The following ENOX1 variants were observed in gnomAD, a reference collection of about 807,000 sequenced individuals.
ENOX1 encodes ecto-NOX disulfide-thiol exchanger 1, also known as candidate growth-related and time keeping constitutive hydroquinone (NADH) oxidase.
ENOX1 carries 42 observed loss-of-function variants against 82.5 expected under a neutral mutation model. The ratio of observed to expected loss-of-function variants is 0.51; its 90% CI spans 0.40 to 0.66. The LOEUF (loss-of-function observed/expected upper bound fraction) is 0.66. Ranked by LOEUF, ENOX1 falls within the 30% of genes least tolerant of loss-of-function variation. The probability of loss-of-function intolerance (pLI) is 0.00; values close to 1 mark genes in which losing one functional copy is unlikely to be tolerated. For synonymous variants in ENOX1, 271 were observed against 282.2 expected (o/e 0.96, Z 0.40); for missense variants, 608 against 811.6 (o/e 0.75, Z 3.05).
At chr13:43,239,535 A>T (rs999812373) in intron 14 of ENOX1, among the ~76,000 whole-genome samples, 3 of 152,228 alleles carry the variant, frequency 2.0e-5, no homozygotes, top group Admixed American at 6.5e-5. Context: ...ATTAGAGTCA[A>T]GGGTGTGTCC....
chr13:43,695,259 T>A (rs901984789), intron 1 of ENOX1, among the ~76,000 whole-genome samples: 1 of 149,530 alleles, frequency 6.7e-6, no homozygotes, highest in Non-Finnish European at 1.5e-5. Flanking sequence ...AAAAAAAAAA[T>A]GGTTCTTTAC....
chr13:43,566,542 A>G (rs933813602), intron 2 of ENOX1, among the ~76,000 whole-genome samples: 3 of 152,090 alleles, frequency 2.0e-5, no homozygotes, highest in Non-Finnish European at 4.4e-5. Context: ...CAGTGGCAAT[A>G]GCATGTCTAT....
intron 1 of ENOX1, among the ~76,000 whole-genome samples, chr13:43,682,590 T>C (rs538218286): frequency 2.0e-4 from 31 of 152,026 alleles, no homozygotes; most frequent in African/African-American, 6.8e-4. Context: ...AATTCAATAA[T>C]AGAAAAAGTA....
At chr13:43,514,207 G>C (rs945368531) in intron 2 of ENOX1, among the ~76,000 whole-genome samples, 3 of 152,068 alleles carry the variant, frequency 2.0e-5, no homozygotes, top group African/African-American at 7.2e-5. Context: ...ATTCAAACCA[G>C]TTTTACATAT....
In ENOX1 at chr13:43,306,800, C is replaced by G. The variant is rs181398107; in HGVS notation, c.1262-8270G>C. On this transcript the variant is annotated intron_variant, in intron 11 of 16. Coordinates refer to ENST00000690772, the MANE Select transcript of ENOX1 (RefSeq NM_001347969.2). ...TTTCCCCTTAAGAAGTGTATTTCCCCTCTCCTGCTCTACCCTCTACATAGA... is the reference window on the plus strand; with the variant it reads ...TTTCCCCTTAAGAAGTGTATTTCCCGTCTCCTGCTCTACCCTCTACATAGA... Among the ~76,000 whole-genome samples the G allele has an allele frequency of 3.7e-3, 539 of 144,974 alleles. 1 individual carries two copies. Among genetic ancestry groups the G allele is most frequent in the African/African-American group, 0.013 (509 of 39,194 alleles).
chr13:43,630,547 C>G (rs1233724855), intron 2 of ENOX1, among the ~76,000 whole-genome samples: 1 of 152,002 alleles, frequency 6.6e-6, no homozygotes, highest in Non-Finnish European at 1.5e-5. Flanking sequence ...GCTGAAGCTC[C>G]TGCCCTTTAC....
At position 43,522,028 on chromosome 13, in the gene ENOX1, T is replaced by C. The variant is rs962331611; in HGVS notation, c.-218-37876A>G. Among the ~76,000 whole-genome samples, 11 of 152,258 alleles carry C rather than the reference T, an allele frequency of 7.2e-5. No individual in the cohort carries two copies. In the South Asian group the frequency reaches 1.2e-3, roughly 17 times the overall value. On this transcript the variant is annotated intron_variant, in intron 2 of 16. Transcript: ENST00000690772. Reference sequence around the variant, plus strand: ...AACAATTTATTTGTAGACAAGATCATAGGAGCAGCATTGTGGATATCAAGG... The same window carrying C: ...AACAATTTATTTGTAGACAAGATCACAGGAGCAGCATTGTGGATATCAAGG...
intron 5 of ENOX1, among the ~76,000 whole-genome samples, chr13:43,379,592 A>C (rs1255618768): frequency 1.3e-5 from 2 of 152,088 alleles, no homozygotes; most frequent in African/African-American, 2.4e-5. Flanking sequence ...TAGTAAACTC[A>C]AAGAAAAGCA....
intron 11 of ENOX1, among the ~76,000 whole-genome samples, chr13:43,299,856 G>A (rs2046477552): frequency 6.6e-6 from 1 of 152,292 alleles, no homozygotes; most frequent in East Asian, 1.9e-4. Flanking sequence ...CAGTGCATGC[G>A]CGTTTCCAGC....
intron 2 of ENOX1, among the ~76,000 whole-genome samples, chr13:43,556,497 C>T (rs536036829): frequency 1.6e-4 from 24 of 152,130 alleles, no homozygotes; most frequent in Admixed American, 5.9e-4. Context: ...TCTCAAACTT[C>T]GTAGTAAGTT....
chr13:43,440,964 ATTC>A (rs2056327057), intron 3 of ENOX1, among the ~76,000 whole-genome samples: 1 of 152,214 alleles, frequency 6.6e-6, no homozygotes, highest in Non-Finnish European at 1.5e-5. Flanking sequence ...CCTCTGTGGT[ATTC>A]TTGCCAAAAT....
chr13:43,481,575 G>A (rs1388712925), intron 3 of ENOX1, among the ~76,000 whole-genome samples: 1 of 151,988 alleles, frequency 6.6e-6, no homozygotes, highest in Non-Finnish European at 1.5e-5. Context: ...AGAAAACCCA[G>A]GGAAAAAGCT....
intron 3 of ENOX1, among the ~76,000 whole-genome samples, chr13:43,471,152 T>A (rs1293625884): frequency 2.0e-5 from 3 of 152,120 alleles, no homozygotes; most frequent in Non-Finnish European, 4.4e-5. Context: ...AATAGAGAAC[T>A]ACCAATGAAC....
In ENOX1 at chr13:43,704,588, A is replaced by C. The variant is rs2087129786; in HGVS notation, c.-284-37044T>G. On this transcript the variant is annotated intron_variant, in intron 1 of 16. Transcript: ENST00000690772. Reference sequence around the variant, plus strand: ...ATGAAGAGTCAGAGGACAGAGTCTGAGGCTGCCAGAGCACTGCAAAAAGCA... The same window carrying C: ...ATGAAGAGTCAGAGGACAGAGTCTGCGGCTGCCAGAGCACTGCAAAAAGCA... Among the ~76,000 whole-genome samples, 5 of 152,298 alleles carry C rather than the reference A, an allele frequency of 3.3e-5. No homozygotes were observed. The South Asian group carries it at 1.0e-3, about 32-fold the overall frequency.
Position 43,661,661 on chromosome 13 carries a change from T to C in ENOX1, c.-219+5818A>G, listed in dbSNP as rs139811389. 2.6e-3 allele frequency among the ~76,000 whole-genome samples: 389 copies of C among 152,282 alleles called. 1 individual carries two copies. The highest frequency in any genetic ancestry group is 8.8e-3 in the African/African-American group (366 of 41,568). On this transcript the variant is annotated intron_variant, in intron 2 of 16. Transcript: ENST00000690772. ...GTCATGTGAAGCTGGCCTGGATTCC[T>C]TGGCAGTAAAAATGTGAGAGAACTC... is the stretch of plus-strand genomic sequence containing the variant.
At chr13:43,304,662 T>A (rs577618487) in intron 11 of ENOX1, among the ~76,000 whole-genome samples, 27 of 152,244 alleles carry the variant, frequency 1.8e-4, no homozygotes, top group African/African-American at 6.3e-4. Context: ...TGGGGATGAT[T>A]TATGGAGAAG....
rs533931079 is a variant in ENOX1 at position 43,719,735 on chromosome 13, C to T, written c.-284-52191G>A. Among the ~76,000 whole-genome samples the T allele has an allele frequency of 2.6e-5, 4 of 152,182 alleles. No homozygotes were observed. The South Asian group carries it at 8.3e-4, about 32-fold the overall frequency. ...AACCCTAAAAAGACTGGCCAAAATC[C>T]TGAAAAAGCTTGCCACACCTTTTGG... On this transcript the variant is annotated intron_variant, in intron 1 of 16. Transcript: ENST00000690772.
Position 43,586,872 on chromosome 13 carries a change from G to A in ENOX1, c.-219+80607C>T, listed in dbSNP as rs201247497. On this transcript the variant is annotated intron_variant, in intron 2 of 16. Transcript: ENST00000690772. ...GAGATCAGGAGATCGAGACCCTCCT[G>A]GACAACATGGTGAAACCCTGTCTCT... Among the ~76,000 whole-genome samples the A allele has an allele frequency of 2.6e-5, 4 of 151,106 alleles. No individual in the cohort carries two copies. In the East Asian group the frequency reaches 7.8e-4, roughly 30 times the overall value.
intron 2 of ENOX1, among the ~76,000 whole-genome samples, chr13:43,648,244 C>A (rs953968555): frequency 8.9e-4 from 135 of 152,294 alleles, no homozygotes; most frequent in African/African-American, 3.2e-3. Flanking sequence ...ATTTACTCAC[C>A]AATTCATTCA....
Sources: allele counts gnomAD v4.1 joint callset (sites outside exome capture counted in the v4.1 genomes callset), GRCh38; gene constraint gnomAD v4.1.1; transcripts MANE v1.5; gene names NCBI Gene and HGNC (gene_info 2026-07-23, HGNC 2026-07-21).